Variants in SNX14 observed in about 807,000 individuals in gnomAD.
SNX14 encodes the protein sorting nexin-14.
SNX14 carries 93 observed loss-of-function variants against 133.8 expected under a neutral mutation model. That is an observed-to-expected ratio of 0.70 (90% CI 0.59 to 0.83). The LOEUF is 0.83. Among genes scored for constraint, SNX14 ranks in the 40% least tolerant of loss-of-function variants. The probability of loss-of-function intolerance (pLI) is 0.00; values close to 1 mark genes in which losing one functional copy is unlikely to be tolerated. For synonymous variants in SNX14, 368 were observed against 365.6 expected, an observed-to-expected ratio of 1.01 and a Z score of -0.07; for missense variants, 945 against 1,094.9, an observed-to-expected ratio of 0.86 and a Z score of 1.93.
chr6:85,542,678 G>A (rs1784180523), intron 14 of SNX14, among the ~76,000 whole-genome samples: 1 of 152,244 alleles, frequency 6.6e-6, no homozygotes, highest in South Asian at 2.1e-4. Flanking sequence ...ATAGGCCTGA[G>A]CCACCACACC....
intron 24 of SNX14, 97 bp downstream of exon 24, chr6:85,514,409 A>G: frequency 6.7e-7 from 1 of 1,491,976 alleles, no homozygotes; most frequent in South Asian, 1.3e-5. Flanking sequence ...CTTCAATTAA[A>G]AAGACAGTTA....
intron 24 of SNX14, 29 bp from the exon 25 acceptor site, chr6:85,514,263 T>C (rs1041369199): frequency 3.2e-6 from 5 of 1,578,976 alleles, no homozygotes; most frequent in Middle Eastern, 1.7e-4. Context: ...GGATACCTCA[T>C]TGTTCCAGAT....
At chr6:85,528,912 C>T (rs1022409969) in intron 19 of SNX14, among the ~76,000 whole-genome samples, 5 of 114,148 alleles carry the variant, frequency 4.4e-5, no homozygotes, top group East Asian at 2.2e-4. Flanking sequence ...ATTAGCCAGG[C>T]GTGGTGGTAA....
chr6:85,593,573 C>T lies in SNX14; in HGVS notation c.140+6G>A. 2 of 1,608,154 alleles carry T rather than the reference C, an allele frequency of 1.2e-6. No individual in the cohort carries two copies. Among genetic ancestry groups the T allele is most frequent in the Non-Finnish European group, 1.7e-6 (2 of 1,177,818 alleles). Reference sequence around the variant, plus strand: ...CCGCCGCCCAGGCTCCGCGCTGCGGCGTTACCTGTTAAGAAGCAGGGAGGC... The same window carrying T: ...CCGCCGCCCAGGCTCCGCGCTGCGGTGTTACCTGTTAAGAAGCAGGGAGGC... On this transcript the variant is annotated splice_donor_region_variant and intron_variant, in intron 1 of 28. Transcript: ENST00000314673.
chr6:85,554,400 G>T (rs1788944822), intron 7 of SNX14, among the ~76,000 whole-genome samples: 1 of 151,964 alleles, frequency 6.6e-6, no homozygotes, highest in Admixed American at 6.6e-5. Context: ...CTATTCTCAA[G>T]AAGATTAAGC....
intron 5 of SNX14, among the ~76,000 whole-genome samples, chr6:85,565,638 T>C (rs1213404375): frequency 6.6e-6 from 1 of 152,220 alleles, no homozygotes; most frequent in East Asian, 1.9e-4. Flanking sequence ...ATTAACTAAA[T>C]TGTAACATAT....
Position 85,536,846 on chromosome 6 carries a change from T to A in SNX14, c.1554A>T (p.Thr518=). Residue 518 remains threonine, a synonymous_variant, in exon 17 of 29, where the codon ACA becomes ACT. Coordinates refer to ENST00000314673, the MANE Select transcript of SNX14 (RefSeq NM_153816.6). ...AATTAGGCAACATAGCTCCCTCCAT[T>A]GTGGTACTTTTGAATACTCCTTTAA... The part of the protein sequence containing the change: ...SKIKGVFKST[T]MEGAMLPNYG... 3.7e-6 allele frequency: 6 copies of A among 1,613,512 alleles called. No individual in the cohort carries two copies. The highest frequency in any genetic ancestry group is 5.1e-6 in the Non-Finnish European group (6 of 1,179,698).
intron 23 of SNX14, 57 bp downstream of exon 23, chr6:85,517,699 G>C: frequency 1.3e-6 from 2 of 1,520,150 alleles, no homozygotes; most frequent in Non-Finnish European, 1.8e-6. Flanking sequence ...CAATGAAAAA[G>C]TAATCTCAAG....
intron 19 of SNX14, among the ~76,000 whole-genome samples, chr6:85,528,746 C>T (rs902790079): frequency 2.0e-5 from 3 of 152,070 alleles, no homozygotes; most frequent in Non-Finnish European, 4.4e-5. Context: ...CTTGTCAATG[C>T]TATATAAATG....
intron 24 of SNX14, 126 bp from the exon 25 acceptor site, chr6:85,514,360 T>G (rs910500416): frequency 2.8e-6 from 4 of 1,433,642 alleles, no homozygotes; most frequent in Non-Finnish European, 3.8e-6. Flanking sequence ...AACTTTAATA[T>G]GATCAAGGCC....
At chr6:85,530,337 A>T in intron 18 of SNX14, 62 bp from the exon 19 acceptor site, 1 of 1,084,560 alleles carries the variant, frequency 9.2e-7, no homozygotes, top group Non-Finnish European at 1.3e-6. Flanking sequence ...AGAATGCCAT[A>T]TTTAAAACAT....
At chr6:85,551,285 T>C (rs1410598816) in intron 7 of SNX14, among the ~76,000 whole-genome samples, 2 of 152,196 alleles carry the variant, frequency 1.3e-5, no homozygotes, top group African/African-American at 4.8e-5. Context: ...AACTTTTTCA[T>C]ACGACCTCCC....
At chr6:85,529,675 C>T (rs1779630467) in intron 19 of SNX14, among the ~76,000 whole-genome samples, 1 of 152,174 alleles carries the variant, frequency 6.6e-6, no homozygotes, top group African/African-American at 2.4e-5. Context: ...ATCCTTATCA[C>T]AGGCTTTGCT....
In SNX14 at chr6:85,545,061, C is replaced by T. The variant is rs1026163497; in HGVS notation, c.1109-1301G>A. Among the ~76,000 whole-genome samples the T allele has an allele frequency of 3.3e-5, 5 of 152,170 alleles. No homozygotes were observed. In the South Asian group the frequency reaches 8.3e-4, roughly 25 times the overall value. On this transcript the variant is annotated intron_variant, in intron 12 of 28. Coordinates refer to ENST00000314673, the MANE Select transcript of SNX14 (RefSeq NM_153816.6). ...GGAGCACAATAGGCAGGAGAGGATG[C>T]TCTGAGGTACACTGAGGTTCTTACA...
intron 7 of SNX14, among the ~76,000 whole-genome samples, chr6:85,550,913 T>C (rs1216635437): frequency 2.0e-5 from 3 of 151,992 alleles, no homozygotes; most frequent in African/African-American, 7.2e-5. Context: ...CCCAAGTAGC[T>C]GGGATTACAG....
At chr6:85,542,788 C>T (rs1043548068) in intron 14 of SNX14, among the ~76,000 whole-genome samples, 10 of 152,082 alleles carry the variant, frequency 6.6e-5, no homozygotes, top group East Asian at 1.9e-4. Flanking sequence ...TCTACTGAGA[C>T]GGAGTCTTGC....
At chr6:85,544,529 T>G (rs561999051) in intron 12 of SNX14, among the ~76,000 whole-genome samples, 1 of 152,306 alleles carries the variant, frequency 6.6e-6, no homozygotes, top group Non-Finnish European at 1.5e-5. Context: ...TCAGGTGTGG[T>G]GGCTCATGCC....
At chr6:85,531,529 C>T (rs530235347) in intron 18 of SNX14, among the ~76,000 whole-genome samples, 2 of 152,232 alleles carry the variant, frequency 1.3e-5, no homozygotes, top group African/African-American at 4.8e-5. Flanking sequence ...TAAAGCAAAT[C>T]GTAGTTTTCT....
chr6:85,510,859 C>T (rs184165237), intron 26 of SNX14, among the ~76,000 whole-genome samples: 123 of 152,262 alleles, frequency 8.1e-4, no homozygotes, highest in African/African-American at 2.7e-3. Context: ...AAGGTAGTGT[C>T]AATCCTGTGA....
Sources: allele counts gnomAD v4.1 joint callset (sites outside exome capture counted in the v4.1 genomes callset), GRCh38; gene constraint gnomAD v4.1.1; transcripts MANE v1.5; gene names NCBI Gene and HGNC (gene_info 2026-07-23, HGNC 2026-07-21).